CCSER1: variants seen among roughly 807,000 people sequenced by gnomAD.
The protein encoded by CCSER1 is coiled-coil serine rich protein 1.
Under a neutral mutation model 82.0 loss-of-function variants are expected in CCSER1, and 41 were observed. That is an observed-to-expected ratio of 0.50 (90% CI 0.39 to 0.65). The LOEUF is 0.65. Ranked by LOEUF, CCSER1 falls within the 30% of genes least tolerant of loss-of-function variation. The pLI is 0.00. For synonymous variants in CCSER1, 414 were observed against 383.9 expected, an observed-to-expected ratio of 1.08 and a Z score of -0.92; for missense variants, 1,119 against 1,064.2, an observed-to-expected ratio of 1.05 and a Z score of -0.72.
intron 10 of CCSER1, among the ~76,000 whole-genome samples, chr4:91,287,812 TAGC>T: frequency 6.6e-6 from 1 of 151,916 alleles, no homozygotes; most frequent in East Asian, 1.9e-4. Context: ...ATACAATAGA[TAGC>T]TAGAAAGAGG....
intron 10 of CCSER1, among the ~76,000 whole-genome samples, chr4:91,093,099 T>G (rs911374370): frequency 1.3e-5 from 2 of 152,232 alleles, no homozygotes; most frequent in Non-Finnish European, 2.9e-5. Flanking sequence ...TTACCTTCAC[T>G]AAGTTCTAGA....
intron 10 of CCSER1, among the ~76,000 whole-genome samples, chr4:91,215,223 C>T (rs1038956978): frequency 1.3e-5 from 2 of 152,008 alleles, no homozygotes; most frequent in African/African-American, 2.4e-5. Context: ...AAGAGTAAGA[C>T]TACTTTGAAA....
At chr4:91,319,662 C>T (rs1746061672) in intron 10 of CCSER1, 1 of 455,700 alleles carries the variant, frequency 2.2e-6, no homozygotes, top group Admixed American at 2.4e-5. Context: ...AAAACCCAGT[C>T]TGTGATTCTC....
At chr4:90,931,164 C>T (rs1466552342) in intron 9 of CCSER1, among the ~76,000 whole-genome samples, 1 of 150,902 alleles carries the variant, frequency 6.6e-6, no homozygotes, top group African/African-American at 2.4e-5. Context: ...TTAATACACA[C>T]ACACATGCAC....
At chr4:91,510,977 T>C (rs1759787128) in intron 10 of CCSER1, among the ~76,000 whole-genome samples, 2 of 152,234 alleles carry the variant, frequency 1.3e-5, no homozygotes, top group African/African-American at 2.4e-5. Context: ...TATTTAAGTC[T>C]TTAATCCATC....
At chr4:91,516,934 G>C (rs1760156181) in intron 10 of CCSER1, among the ~76,000 whole-genome samples, 1 of 152,032 alleles carries the variant, frequency 6.6e-6, no homozygotes, top group South Asian at 2.1e-4. Context: ...CTATGTAGCT[G>C]TATTCCTAGG....
chr4:90,372,693 T>A (rs1291057129), intron 3 of CCSER1, among the ~76,000 whole-genome samples: 1 of 151,878 alleles, frequency 6.6e-6, no homozygotes, highest in African/African-American at 2.4e-5. Flanking sequence ...GAGTTTGCAG[T>A]GAGCTGAGAT....
chr4:91,302,391 C>T (rs1302260539), intron 10 of CCSER1, among the ~76,000 whole-genome samples: 2 of 151,898 alleles, frequency 1.3e-5, no homozygotes, highest in African/African-American at 4.8e-5. Context: ...ATTCTCAGTC[C>T]TTCCACTTCT....
intron 5 of CCSER1, among the ~76,000 whole-genome samples, chr4:90,524,659 G>A (rs1184746796): frequency 6.6e-6 from 1 of 152,108 alleles, no homozygotes; most frequent in African/African-American, 2.4e-5. Flanking sequence ...AGTAGAGACA[G>A]GGTTTCACCA....
At chr4:90,182,468 T>C (rs1057500937) in intron 1 of CCSER1, among the ~76,000 whole-genome samples, 3 of 152,172 alleles carry the variant, frequency 2.0e-5, no homozygotes, top group Non-Finnish European at 4.4e-5. Flanking sequence ...CTAGATATTA[T>C]AGTCAATTTG....
chr4:91,183,142 T>C (rs936830210), intron 10 of CCSER1, among the ~76,000 whole-genome samples: 1 of 152,220 alleles, frequency 6.6e-6, no homozygotes, highest in South Asian at 2.1e-4. Context: ...CTGTTTGCAA[T>C]TCGGTAAATA....
intron 7 of CCSER1, among the ~76,000 whole-genome samples, chr4:90,770,905 T>A (rs1385424111): frequency 6.6e-6 from 1 of 152,182 alleles, no homozygotes; most frequent in Non-Finnish European, 1.5e-5. Context: ...CAAATCATTT[T>A]AACAATAATG....
intron 10 of CCSER1, among the ~76,000 whole-genome samples, chr4:91,184,561 A>T (rs978560393): frequency 9.2e-5 from 14 of 152,188 alleles, no homozygotes; most frequent in Non-Finnish European, 1.8e-4. Context: ...TGTTGGAGCT[A>T]TGTGCCCATT....
At chr4:91,568,096 C>T (rs994163648) in intron 10 of CCSER1, among the ~76,000 whole-genome samples, 6 of 152,178 alleles carry the variant, frequency 3.9e-5, no homozygotes, top group Non-Finnish European at 7.4e-5. Context: ...ATTTACCTTT[C>T]ACTTAGGAAG....
intron 10 of CCSER1, among the ~76,000 whole-genome samples, chr4:91,229,004 C>A (rs1029787478): frequency 7.2e-5 from 11 of 152,022 alleles, no homozygotes; most frequent in African/African-American, 2.7e-4. Context: ...GCTTTGGGAG[C>A]ATTCTATAAC....
chr4:91,094,780 G>C (rs572189800), intron 10 of CCSER1, among the ~76,000 whole-genome samples: 2 of 152,014 alleles, frequency 1.3e-5, no homozygotes, highest in East Asian at 3.9e-4. Context: ...GACCTGGCTC[G>C]GTTAGAAAAA....
At chr4:91,157,188 G>A (rs1476404380) in intron 10 of CCSER1, among the ~76,000 whole-genome samples, 3 of 151,906 alleles carry the variant, frequency 2.0e-5, no homozygotes, top group Non-Finnish European at 4.4e-5. Flanking sequence ...ATCTGTTTGT[G>A]TTGATGTCTT....
chr4:90,344,932 T>C (rs906934510), intron 3 of CCSER1, among the ~76,000 whole-genome samples: 2 of 152,108 alleles, frequency 1.3e-5, no homozygotes, highest in Non-Finnish European at 2.9e-5. Context: ...AAATATTGAA[T>C]GCATATAAAT....
At chr4:90,541,998 A>G (rs1776170806) in intron 5 of CCSER1, among the ~76,000 whole-genome samples, 2 of 152,068 alleles carry the variant, frequency 1.3e-5, no homozygotes, top group South Asian at 4.1e-4. Context: ...TTTACTTTTT[A>G]GTTTAGTATG....
Sources: gnomAD v4.1 joint callset for allele counts (sites outside exome capture counted in the v4.1 genomes callset) on GRCh38, gnomAD v4.1.1 for gene constraint, MANE v1.5 for transcripts, NCBI Gene and HGNC (gene_info 2026-07-23, HGNC 2026-07-21) for gene names.